MAGIX: variants seen among roughly 807,000 people sequenced by gnomAD.
MAGIX encodes the protein MAGI family member, X-linked.
MAGIX carries 13 observed loss-of-function variants against 10.0 expected under a neutral mutation model. The observed-to-expected ratio is 1.30, with a 90% confidence interval of 0.84 to 2.06. The LOEUF is 2.06. Ranked by LOEUF, MAGIX falls within the 30% of genes most tolerant of loss-of-function variation. MAGIX has a pLI of 0.00. For missense variants in MAGIX, 235 were observed against 245.2 expected (o/e 0.96, Z 0.28); for synonymous variants, 108 against 106.8 (o/e 1.01, Z -0.07).
chrX:49,165,577 T>C (rs2065360937), intron 4 of MAGIX: 1 of 369,599 alleles, frequency 2.7e-6, no homozygotes, highest in East Asian at 4.3e-5. Flanking sequence ...GTCTCGAGGA[T>C]AGGAATTTCA....
chrX:49,163,492 G>GT (rs1172727524), intron 1 of MAGIX: 1 of 202,838 alleles, frequency 4.9e-6, no homozygotes, highest in African/African-American at 3.0e-5. Context: ...GGCATCCAGG[G>GT]TGATTAGGGG....
At chrX:49,164,359 T>A (rs1557097056) in intron 2 of MAGIX, 1 of 347,838 alleles carries the variant, frequency 2.9e-6, no homozygotes, top group East Asian at 4.9e-5. Context: ...TATGGAAGGT[T>A]CAGGAGCCAA....
intron 4 of MAGIX, 68 bp from the exon 6 acceptor site, chrX:49,166,006 C>T (rs1335975202): frequency 1.9e-6 from 2 of 1,075,771 alleles, no homozygotes; most frequent in East Asian, 3.0e-5. Flanking sequence ...CCTTTGGGTT[C>T]TCCTGTCCAT....
intron 2 of MAGIX, chrX:49,164,344 C>A (rs2091957): frequency 0.017 from 5,474 of 321,801 alleles, 276 homozygotes; most frequent in African/African-American, 0.13. Context: ...AATTAGAGGG[C>A]GTGCTATGGA....
At chrX:49,168,530 C>G (rs782756640), downstream of MAGIX, 3 of 105,640 alleles carry the variant, frequency 2.8e-5, no homozygotes, top group South Asian at 1.3e-3. Context: ...CCTGTAATCC[C>G]AGTACTTTGG....
In MAGIX at chrX:49,162,951, G is replaced by C; in HGVS notation, c.-202+206G>C. 2 of 639,716 alleles carry C rather than the reference G, an allele frequency of 3.1e-6. No individual in the cohort carries two copies. Among genetic ancestry groups the C allele is most frequent in the East Asian group, 8.4e-5 (2 of 23,861 alleles). 52.7% of individuals were successfully genotyped at this position (639,716 alleles called of 1,213,427 possible). On this transcript the variant is annotated intron_variant, in intron 1 of 4. Transcript: ENST00000616266. ...GGGAGCAGAGGAGGTACAGGGATTGGGGTCGTTGGGGAAGGACAGGGCGAG... is the reference window on the plus strand; with the variant it reads ...GGGAGCAGAGGAGGTACAGGGATTGCGGTCGTTGGGGAAGGACAGGGCGAG...
exon 5 of MAGIX, chrX:49,167,228 A>G (rs2065374088): frequency 8.8e-6 from 1 of 114,211 alleles, no homozygotes; most frequent in African/African-American, 3.2e-5. Flanking sequence ...TTTTCCGTAC[A>G]TGGTGAAGAA....
downstream of MAGIX, among the ~76,000 whole-genome samples, chrX:49,168,774 CAAAAAAAAA>C (rs35343968): frequency 2.5e-3 from 43 of 16,900 alleles, no homozygotes; most frequent in African/African-American, 9.4e-3. Context: ...GACCTTATCT[CAAAAAAAAA>C]AAAAAAAAAA....
At chrX:49,166,397 T>A in exon 5 of MAGIX, 2 of 1,126,912 alleles carry the variant, frequency 1.8e-6, no homozygotes, top group Non-Finnish European at 2.3e-6. Flanking sequence ...GCGGAGACAC[T>A]GAGCCTACCT....
rs1268163616 is a variant in MAGIX, at chrX:49,163,022, C to A, written c.-202+277C>A. 1,432 of 351,720 alleles carry A rather than the reference C, an allele frequency of 4.1e-3. 24 individuals carry two copies. The highest frequency in any genetic ancestry group is 0.034 in the African/African-American group (1,247 of 36,814). The allele number at this position is 351,720 out of a possible 1,213,427, so 29.0% of individuals were successfully genotyped here. A position where few individuals can be genotyped will look rare whatever the true frequency, so the allele number is the denominator to read the frequency against. ...CCTGTCTGCTCCACACCTTTTCCTT[C>A]TGACAGGTGGTAAACAGAGCGGCTC... On this transcript the variant is annotated intron_variant, in intron 1 of 4. Transcript: ENST00000616266.
intron 1 of MAGIX, chrX:49,163,228 A>T (rs1216550876): frequency 1.0e-5 from 2 of 196,210 alleles, no homozygotes; most frequent in Non-Finnish European, 1.8e-5. Flanking sequence ...GTCACTGGGG[A>T]CACCTGGGCA....
At chrX:49,164,341 G>A (rs1231156774) in intron 2 of MAGIX, 1 of 329,298 alleles carries the variant, frequency 3.0e-6, no homozygotes, top group Middle Eastern at 8.6e-4. Flanking sequence ...GCTAATTAGA[G>A]GGCGTGCTAT....
rs782047537 is a variant in MAGIX, at chrX:49,164,867, G to A, written c.107G>A (p.Arg36His). The A allele has an allele frequency of 1.1e-5, 13 of 1,211,748 alleles. No individual in the cohort carries two copies. Among genetic ancestry groups the A allele is most frequent in the Non-Finnish European group, 1.2e-5 (11 of 895,184 alleles). Reference sequence around the variant, plus strand: ...CACCTGTGTCCTTTATTCCAGCACCGTTGGTTAGAGACATGTAACGCACCT... The same window carrying A: ...CACCTGTGTCCTTTATTCCAGCACCATTGGTTAGAGACATGTAACGCACCT... The change falls in exon 3 of 5, where the codon CGT (arginine) becomes CAT (histidine). Residue 36 changes from arginine (R) to histidine (H), a missense_variant. Transcript: ENST00000616266.
exon 3 of MAGIX, chrX:49,165,062 G>A (rs1423092246): frequency 1.7e-6 from 2 of 1,206,359 alleles, no homozygotes; most frequent in Admixed American, 2.2e-5. Flanking sequence ...CTGAAGGATG[G>A]CCCAGCACAG....
Position 49,164,919 on chromosome X carries a change from T to C in MAGIX, c.159T>C (p.Arg53=), listed in dbSNP as rs61734689. ...CCCAATTGATCCAGGGTAAGGCACGTAGTGCTCCGAAGCCATCCCAGGCCT... is the reference window on the plus strand; with the variant it reads ...CCCAATTGATCCAGGGTAAGGCACGCAGTGCTCCGAAGCCATCCCAGGCCT... Residue 53 remains arginine, a synonymous_variant, in exon 3 of 5, where the codon CGT becomes CGC. Transcript: ENST00000616266. 463 of 1,211,117 alleles carry C rather than the reference T, an allele frequency of 3.8e-4. 1 individual carries two copies. The African/African-American group carries it at 7.3e-3, about 19-fold the overall frequency.
rs1439875469 is a variant in MAGIX, at chrX:49,163,932, G to C, written c.-55+3G>C. On this transcript the variant is annotated splice_donor_region_variant and intron_variant, in intron 2 of 4. Transcript: ENST00000616266. ...ATTGCGCCTGCGCCGGAAGGAGGGTGAGTGACTGGCGCAGGGCCTCCGCTG... is the reference window on the plus strand; with the variant it reads ...ATTGCGCCTGCGCCGGAAGGAGGGTCAGTGACTGGCGCAGGGCCTCCGCTG... The C allele has an allele frequency of 6.9e-6, 7 of 1,013,652 alleles. No individual in the cohort carries two copies. The highest frequency in any genetic ancestry group is 8.8e-6 in the Non-Finnish European group (7 of 797,658). The allele number at this position is 1,013,652 out of a possible 1,213,427, so 83.5% of individuals were successfully genotyped here.
chrX:49,166,218 C>T (rs1389695304), exon 5 of MAGIX: 2 of 1,203,366 alleles, frequency 1.7e-6, no homozygotes, highest in African/African-American at 3.5e-5. Context: ...AGTCCAGAGG[C>T]GGCCGCCGAT....
exon 5 of MAGIX, chrX:49,167,320 A>G (rs2065374602): frequency 1.8e-5 from 2 of 113,990 alleles, no homozygotes; most frequent in African/African-American, 6.4e-5. Flanking sequence ...CACCCTGGGA[A>G]CAGAGCCCTA....
At chrX:49,166,327 C>T (rs1557098061) in exon 5 of MAGIX, 2 of 1,172,809 alleles carry the variant, frequency 1.7e-6, no homozygotes, top group South Asian at 1.9e-5. Flanking sequence ...AGGAACGGCT[C>T]TCGCGGGCCC....
Sources: allele counts gnomAD v4.1 joint callset (sites outside exome capture counted in the v4.1 genomes callset), GRCh38; gene constraint gnomAD v4.1.1; transcripts MANE v1.5; gene names NCBI Gene and HGNC (gene_info 2026-07-23, HGNC 2026-07-21).